Variants in KIAA0825 observed in about 807,000 individuals in gnomAD.
KIAA0825 encodes the protein KIAA0825.
In KIAA0825, 119 loss-of-function variants were observed where a neutral mutation model predicts 147.6. The observed-to-expected ratio is 0.81, with a 90% CI of 0.69 to 0.94. The LOEUF is 0.94. Ranked by LOEUF, KIAA0825 falls within the 40% of genes least tolerant of loss-of-function variation. KIAA0825 has a pLI of 0.00. For synonymous variants in KIAA0825, 470 were observed against 518.1 expected, an observed-to-expected ratio of 0.91 and a Z score of 1.26; for missense variants, 1,381 against 1,472.7, an observed-to-expected ratio of 0.94 and a Z score of 1.02.
At chr5:94,476,038 T>C (rs1338213968) in intron 7 of KIAA0825, among the ~76,000 whole-genome samples, 8 of 152,216 alleles carry the variant, frequency 5.3e-5, no homozygotes. Flanking sequence ...ATCTGTTGAA[T>C]CTCTATTTCT....
intron 1 of KIAA0825, among the ~76,000 whole-genome samples, chr5:94,588,433 A>T (rs1434212368): frequency 1.3e-5 from 2 of 152,242 alleles, no homozygotes; most frequent in African/African-American, 2.4e-5. Flanking sequence ...AGACATATGA[A>T]AAAATGCTCA....
intron 20 of KIAA0825, among the ~76,000 whole-genome samples, chr5:94,297,568 A>G (rs1316938721): frequency 5.9e-5 from 9 of 152,138 alleles, no homozygotes; most frequent in Non-Finnish European, 1.0e-4. Context: ...TGTCCCCACA[A>G]GACATCACTA....
At chr5:94,208,878 T>G (rs1320010154) in intron 20 of KIAA0825, among the ~76,000 whole-genome samples, 1 of 152,166 alleles carries the variant, frequency 6.6e-6, no homozygotes, top group African/African-American at 2.4e-5. Flanking sequence ...CATACAAGAA[T>G]AGGTAGTTTT....
At chr5:94,443,974 A>G (rs1757424168) in intron 13 of KIAA0825, among the ~76,000 whole-genome samples, 1 of 152,168 alleles carries the variant, frequency 6.6e-6, no homozygotes, top group South Asian at 2.1e-4. Context: ...ACAGCTTGGG[A>G]ATGACACTCA....
At chr5:94,557,258 C>A (rs372387190) in intron 2 of KIAA0825, among the ~76,000 whole-genome samples, 1 of 152,020 alleles carries the variant, frequency 6.6e-6, no homozygotes, top group African/African-American at 2.4e-5. Flanking sequence ...ACTACAGGCA[C>A]GTGCTACCAT....
At chr5:94,306,809 T>C (rs1301119941) in intron 20 of KIAA0825, among the ~76,000 whole-genome samples, 1 of 151,864 alleles carries the variant, frequency 6.6e-6, no homozygotes, top group African/African-American at 2.4e-5. Context: ...ATTGTCCATG[T>C]GATTAATTGC....
intron 20 of KIAA0825, among the ~76,000 whole-genome samples, chr5:94,190,753 T>C (rs186053319): frequency 1.5e-3 from 235 of 152,188 alleles, no homozygotes; most frequent in African/African-American, 5.3e-3. Context: ...GTGAATTGAA[T>C]TGGCTGTTTG....
In KIAA0825 at chr5:94,152,117, T is replaced by A. The variant is rs1012053161; in HGVS notation, c.*1890A>T. Among the ~76,000 whole-genome samples, 6 of 152,230 alleles carry A rather than the reference T, an allele frequency of 3.9e-5. No individual in the cohort carries two copies. The highest frequency in any genetic ancestry group is 1.2e-4 in the African/African-American group (5 of 41,472). On this transcript the variant is annotated 3_prime_UTR_variant, in exon 21 of 21. Transcript: ENST00000682413. ...TACTGGCCAACTAAAGTACATTTTT[T>A]AAAAATAAAATGTGTTATTTGGCAG... is the stretch of plus-strand genomic sequence containing the variant.
At chr5:94,193,658 C>T (rs1770874055) in intron 20 of KIAA0825, among the ~76,000 whole-genome samples, 1 of 152,192 alleles carries the variant, frequency 6.6e-6, no homozygotes, top group Non-Finnish European at 1.5e-5. Flanking sequence ...CTACTTAGAT[C>T]TCACAACAAC....
chr5:94,522,046 G>T (rs376280455), intron 4 of KIAA0825, among the ~76,000 whole-genome samples: 1 of 151,638 alleles, frequency 6.6e-6, no homozygotes. Flanking sequence ...ATTATACCAA[G>T]AAATGCTTTT....
intron 5 of KIAA0825, among the ~76,000 whole-genome samples, chr5:94,498,459 T>C (rs992962624): frequency 1.3e-5 from 2 of 152,298 alleles, no homozygotes; most frequent in African/African-American, 2.4e-5. Flanking sequence ...CAATTGATGA[T>C]TAAAATACAG....
At chr5:94,583,298 G>T (rs1782585216) in intron 1 of KIAA0825, among the ~76,000 whole-genome samples, 1 of 152,184 alleles carries the variant, frequency 6.6e-6, no homozygotes, top group Non-Finnish European at 1.5e-5. Context: ...GTACATTCCT[G>T]TCCAAATACT....
chr5:94,454,118 A>G (rs1282955268), intron 12 of KIAA0825, among the ~76,000 whole-genome samples: 1 of 152,226 alleles, frequency 6.6e-6, no homozygotes, highest in Non-Finnish European at 1.5e-5. Flanking sequence ...TTGACACAAT[A>G]TAAAAGGATT....
intron 2 of KIAA0825, among the ~76,000 whole-genome samples, chr5:94,562,719 T>A (rs1240908171): frequency 6.6e-6 from 1 of 152,178 alleles, no homozygotes; most frequent in Non-Finnish European, 1.5e-5. Context: ...GAGCTCCTTG[T>A]TGCGTGCAGA....
At chr5:94,501,902 T>C (rs1765135269) in intron 5 of KIAA0825, among the ~76,000 whole-genome samples, 1 of 152,176 alleles carries the variant, frequency 6.6e-6, no homozygotes, top group African/African-American at 2.4e-5. Flanking sequence ...AGATGGTTAA[T>C]TAAATGACTG....
At chr5:94,501,280 T>C (rs1765053896) in intron 5 of KIAA0825, among the ~76,000 whole-genome samples, 1 of 152,236 alleles carries the variant, frequency 6.6e-6, no homozygotes, top group South Asian at 2.1e-4. Context: ...TATGTCTGTA[T>C]ATATGTATAT....
At chr5:94,600,857 A>C (rs1055859544) in intron 1 of KIAA0825, among the ~76,000 whole-genome samples, 1 of 152,088 alleles carries the variant, frequency 6.6e-6, no homozygotes, top group Admixed American at 6.6e-5. Flanking sequence ...ACTGGATGGG[A>C]CTTCCTAAAT....
intron 15 of KIAA0825, chr5:94,416,589 A>G (rs896728105): frequency 1.3e-5 from 2 of 152,218 alleles, no homozygotes; most frequent in African/African-American, 4.8e-5. Flanking sequence ...ACAATGTGAG[A>G]ATTTTTACGC....
intron 2 of KIAA0825, among the ~76,000 whole-genome samples, chr5:94,579,476 T>C (rs894320754): frequency 3.3e-5 from 5 of 152,246 alleles, no homozygotes; most frequent in Admixed American, 6.5e-5. Flanking sequence ...ATAGAATTGA[T>C]TGATCTGGCA....
Sources: allele counts gnomAD v4.1 joint callset (sites outside exome capture counted in the v4.1 genomes callset), GRCh38; gene constraint gnomAD v4.1.1; transcripts MANE v1.5; gene names NCBI Gene and HGNC (gene_info 2026-07-23, HGNC 2026-07-21).